NBAS: variants seen among roughly 807,000 people sequenced by gnomAD.
The protein encoded by NBAS is NAG/BC035112 fusion.
A neutral mutation model predicts 302.5 loss-of-function variants in NBAS; 219 were observed. That is an observed-to-expected ratio of 0.72 (90% CI 0.65 to 0.81). The LOEUF (loss-of-function observed/expected upper bound fraction) is 0.81, where lower values mean the gene tolerates loss of function less well. Among genes scored for constraint, NBAS ranks in the 30% least tolerant of loss-of-function variants. The probability of loss-of-function intolerance (pLI) is 0.00; values close to 1 mark genes in which losing one functional copy is unlikely to be tolerated. For missense variants in NBAS, 2,932 were observed against 2,841.6 expected, an observed-to-expected ratio of 1.03 and a Z score of -0.72; for synonymous variants, 1,118 against 1,021.6, an observed-to-expected ratio of 1.09 and a Z score of -1.80.
At chr2:15,170,201 G>A (rs754121778) in intron 51 of NBAS, among the ~76,000 whole-genome samples, 1 of 152,162 alleles carries the variant, frequency 6.6e-6, no homozygotes, top group Non-Finnish European at 1.5e-5. Context: ...TTCTGTTAAC[G>A]CCTGCGGCCG....
At chr2:15,216,418 G>C (rs997499906) in intron 48 of NBAS, among the ~76,000 whole-genome samples, 1 of 152,148 alleles carries the variant, frequency 6.6e-6, no homozygotes, top group Non-Finnish European at 1.5e-5. Flanking sequence ...AGAAATATTG[G>C]TGAAACGCAG....
At chr2:15,391,502 G>A (rs10929365) in intron 28 of NBAS, among the ~76,000 whole-genome samples, 92,306 of 151,798 alleles carry the variant, frequency 0.61, 28,992 homozygotes, top group Non-Finnish European at 0.68. Flanking sequence ...CAAAAATACC[G>A]AAGAATATTA....
At chr2:15,346,945 G>T (rs978123612) in intron 35 of NBAS, among the ~76,000 whole-genome samples, 32 of 152,110 alleles carry the variant, frequency 2.1e-4, no homozygotes, top group African/African-American at 7.0e-4. Flanking sequence ...AGTGAGAGAT[G>T]AACTATGAGA....
chr2:14,867,129 A>G, the NBAS span, among the ~76,000 whole-genome samples: 3 of 152,188 alleles, frequency 2.0e-5, no homozygotes, highest in East Asian at 5.8e-4. Flanking sequence ...TAAATGAAAC[A>G]ACTTGATATA....
the NBAS span, among the ~76,000 whole-genome samples, chr2:14,918,545 T>A: frequency 6.6e-6 from 1 of 152,190 alleles, no homozygotes. Context: ...TATAACAGGA[T>A]CATTTTCATG....
the NBAS span, among the ~76,000 whole-genome samples, chr2:15,147,457 C>A: frequency 6.6e-6 from 1 of 151,732 alleles, no homozygotes; most frequent in East Asian, 1.9e-4. Flanking sequence ...GCCTGGTGTG[C>A]TGGCGCATGC....
intron 21 of NBAS, among the ~76,000 whole-genome samples, chr2:15,440,024 C>T (rs1345817783): frequency 6.6e-6 from 1 of 152,258 alleles, no homozygotes; most frequent in Non-Finnish European, 1.5e-5. Context: ...TGGGCGGAGC[C>T]CACCACAGCT....
At chr2:15,345,025 T>C (rs1673025098) in intron 35 of NBAS, among the ~76,000 whole-genome samples, 1 of 152,156 alleles carries the variant, frequency 6.6e-6, no homozygotes, top group African/African-American at 2.4e-5. Flanking sequence ...ATAAGAGCTA[T>C]TAATGACAAA....
At chr2:15,439,812 G>A (rs1046426505) in intron 21 of NBAS, among the ~76,000 whole-genome samples, 5 of 152,192 alleles carry the variant, frequency 3.3e-5, no homozygotes, top group African/African-American at 9.7e-5. Flanking sequence ...CGAATACTGC[G>A]CTTTTCCAAC....
chr2:15,244,137 AAAAGACCCTGT>A (rs1464005977), intron 44 of NBAS, among the ~76,000 whole-genome samples: 2 of 152,202 alleles, frequency 1.3e-5, no homozygotes, highest in African/African-American at 4.8e-5. Flanking sequence ...AAAACAAATG[AAAAGACCCTGT>A]AGATGTGGCT....
chr2:15,336,297 G>A (rs1234832790), intron 35 of NBAS, among the ~76,000 whole-genome samples: 6 of 152,250 alleles, frequency 3.9e-5, no homozygotes, highest in African/African-American at 1.4e-4. Flanking sequence ...ACTAGACAGT[G>A]AGCTATTCAA....
At chr2:15,242,064 T>C (rs1216006683) in intron 44 of NBAS, among the ~76,000 whole-genome samples, 4 of 152,226 alleles carry the variant, frequency 2.6e-5, no homozygotes, top group Non-Finnish European at 2.9e-5. Context: ...AGCATTCCAC[T>C]GGCAAGTCCT....
the NBAS span, among the ~76,000 whole-genome samples, chr2:15,015,852 C>T: frequency 6.6e-6 from 1 of 151,944 alleles, no homozygotes; most frequent in South Asian, 2.1e-4. Context: ...CACATTGTCC[C>T]AGTTTGCAGA....
the NBAS span, among the ~76,000 whole-genome samples, chr2:14,798,297 A>G: frequency 1.1e-4 from 17 of 152,234 alleles, no homozygotes; most frequent in East Asian, 2.9e-3. Flanking sequence ...CTTTTTGAGG[A>G]ATAGGTGTTT....
chr2:14,843,082 C>T, the NBAS span, among the ~76,000 whole-genome samples: 273 of 152,124 alleles, frequency 1.8e-3, no homozygotes, highest in African/African-American at 6.3e-3. Context: ...AGTATTTCCA[C>T]AGATAATGAA....
chr2:14,906,172 C>T, the NBAS span, among the ~76,000 whole-genome samples: 3 of 152,172 alleles, frequency 2.0e-5, no homozygotes, highest in Non-Finnish European at 4.4e-5. Context: ...GCAGCGGCAG[C>T]AGCAGCCACC....
chr2:15,370,481 A>G (rs1674428998), intron 31 of NBAS, among the ~76,000 whole-genome samples: 1 of 152,152 alleles, frequency 6.6e-6, no homozygotes, highest in South Asian at 2.1e-4. Flanking sequence ...TTTAAAAAAT[A>G]GAGACGGGTT....
At chr2:15,206,437 A>C (rs1450564768) in intron 48 of NBAS, among the ~76,000 whole-genome samples, 3 of 152,274 alleles carry the variant, frequency 2.0e-5, no homozygotes, top group East Asian at 1.9e-4. Context: ...AAAAAAAAAA[A>C]CACTATCTGA....
At chr2:15,067,093 C>T in the NBAS span, among the ~76,000 whole-genome samples, 7 of 131,340 alleles carry the variant, frequency 5.3e-5, no homozygotes, top group East Asian at 1.2e-3. Flanking sequence ...GAGGCCAAGG[C>T]GGGTGGATTA....
Sources: gnomAD v4.1 joint callset for allele counts (sites outside exome capture counted in the v4.1 genomes callset) on GRCh38, gnomAD v4.1.1 for gene constraint, MANE v1.5 for transcripts, NCBI Gene and HGNC (gene_info 2026-07-23, HGNC 2026-07-21) for gene names.